Variants in TRIM33 observed in about 807,000 individuals in gnomAD.
TRIM33 encodes tripartite motif containing 33, also known as E3 ubiquitin-protein ligase TRIM33.
Under a neutral mutation model 125.4 loss-of-function variants are expected in TRIM33, and 20 were observed. The ratio of observed to expected loss-of-function variants is 0.16; its 90% CI spans 0.11 to 0.23. The LOEUF is 0.23. TRIM33 is among the 10% of genes least tolerant of loss of function. The pLI is 1.00. For missense variants in TRIM33, 920 were observed against 1,411.4 expected (o/e 0.65, Z 5.58); for synonymous variants, 564 against 513.9 (o/e 1.10, Z -1.32).
rs1241359977 is a variant in TRIM33, at chr1:114,472,844, A to C, written c.527-8456T>G. Reference sequence around the variant, plus strand: ...TTACAATTAAACTGTTAAAAGTCAAAGACAAGAAAATTTTGAAAAGACTAG... The same window carrying C: ...TTACAATTAAACTGTTAAAAGTCAACGACAAGAAAATTTTGAAAAGACTAG... On this transcript the variant is annotated intron_variant, in intron 1 of 19. Coordinates refer to ENST00000358465, the MANE Select transcript of TRIM33 (RefSeq NM_015906.4). 2.0e-5 allele frequency among the ~76,000 whole-genome samples: 3 copies of C among 152,208 alleles called. No individual in the cohort carries two copies. In the South Asian group the frequency reaches 6.2e-4, roughly 32 times the overall value.
intron 1 of TRIM33, among the ~76,000 whole-genome samples, chr1:114,487,903 CAAAAAAAA>C (rs573681532): frequency 1.1e-4 from 4 of 36,638 alleles, no homozygotes; most frequent in South Asian, 1.4e-3. Context: ...GACTCCGTCT[CAAAAAAAA>C]AAAAAAAAAA....
chr1:114,483,835 A>AT (rs1307568322), intron 1 of TRIM33, among the ~76,000 whole-genome samples: 1 of 152,240 alleles, frequency 6.6e-6, no homozygotes, highest in Non-Finnish European at 1.5e-5. Context: ...TACCAAAGAC[A>AT]TAAGACAAAG....
intron 1 of TRIM33, among the ~76,000 whole-genome samples, chr1:114,499,460 G>T (rs1169224771): frequency 6.6e-6 from 1 of 150,556 alleles, no homozygotes; most frequent in South Asian, 2.1e-4. Flanking sequence ...CTGGGTTCGG[G>T]GTAAGGAAAA....
chr1:114,405,728 G>A lies in TRIM33; in HGVS notation c.2450C>T (p.Pro817Leu). ...LSSPESSLTPPLSTNLHLESE... is the reference protein window; with the variant it reads ...LSSPESSLTPLLSTNLHLESE... ...TTCTAGATGCAGGTTGGTTGAGAGAGGTGGTGTCAAGCTACTCTCAGGACT... is the reference window on the plus strand; with the variant it reads ...TTCTAGATGCAGGTTGGTTGAGAGAAGTGGTGTCAAGCTACTCTCAGGACT... The change falls in exon 15 of 20, where the codon CCT becomes CTT. Residue 817 changes from proline (P) to leucine (L), a missense_variant. This residue lies in a region of TRIM33 where 407 missense variants were observed against 589.7 expected (regional missense o/e 0.69). Coordinates refer to ENST00000358465, the MANE Select transcript of TRIM33 (RefSeq NM_015906.4). 11 of 1,614,064 alleles carry A rather than the reference G, an allele frequency of 6.8e-6. No individual in the cohort carries two copies. The highest frequency in any genetic ancestry group is 9.3e-6 in the Non-Finnish European group (11 of 1,179,960).
intron 14 of TRIM33, 150 bp downstream of exon 14, chr1:114,406,791 G>T: frequency 1.4e-6 from 1 of 692,136 alleles, no homozygotes; most frequent in Non-Finnish European, 2.3e-6. Flanking sequence ...AAAAAGTTGA[G>T]TTAGAAAAAG....
intron 1 of TRIM33, among the ~76,000 whole-genome samples, chr1:114,508,484 T>C (rs1367914031): frequency 6.6e-6 from 1 of 152,204 alleles, no homozygotes; most frequent in Non-Finnish European, 1.5e-5. Flanking sequence ...TCTGAACACC[T>C]ACTAACAATT....
chr1:114,395,203 A>AAT lies in TRIM33; in HGVS notation c.*2443_*2444dup, dbSNP rs1651480966. 1 of 205,040 alleles carries AAT rather than the reference A, an allele frequency of 4.9e-6. No homozygotes were observed. 12.7% of individuals were successfully genotyped at this position (205,040 alleles called of 1,614,324 possible). A position where few individuals can be genotyped will look rare whatever the true frequency, so the allele number is the denominator to read the frequency against. ...AAATCTAAAGTGAATACCTTAATTT[A>AAT]ATGGTGGTATGTTGATAGCTATTAA... On this transcript the variant is annotated 3_prime_UTR_variant, in exon 20 of 20. Transcript: ENST00000358465.
chr1:114,433,333 A>T (rs1648086135), intron 5 of TRIM33, among the ~76,000 whole-genome samples: 1 of 152,192 alleles, frequency 6.6e-6, no homozygotes, highest in Middle Eastern at 3.2e-3. Flanking sequence ...TTTAAATTTT[A>T]TAAGTCAACT....
chr1:114,454,648 C>G (rs1164446556), intron 4 of TRIM33, among the ~76,000 whole-genome samples: 2 of 150,766 alleles, frequency 1.3e-5, no homozygotes, highest in Non-Finnish European at 1.5e-5. Context: ...GCACTCGAAG[C>G]CTGGGCAATA....
intron 4 of TRIM33, among the ~76,000 whole-genome samples, chr1:114,441,565 T>C (rs1159754468): frequency 6.6e-6 from 1 of 152,292 alleles, no homozygotes; most frequent in South Asian, 2.1e-4. Context: ...ATTTCAAAGA[T>C]AGGAACTAGG....
intron 4 of TRIM33, among the ~76,000 whole-genome samples, chr1:114,438,896 T>C (rs184123108): frequency 6.6e-6 from 1 of 152,294 alleles, no homozygotes; most frequent in East Asian, 1.9e-4. Context: ...TTTAAAGCTC[T>C]ATATGAAGGG....
chr1:114,489,963 C>T lies in TRIM33; in HGVS notation c.526+20588G>A, dbSNP rs1292615144. ...CTAAATCAGATATAAGGGTGCAGCA[C>T]GTCAGGGCTGGCCATGGTGGCTCAC... is the stretch of plus-strand genomic sequence containing the variant. On this transcript the variant is annotated intron_variant, in intron 1 of 19. Transcript: ENST00000358465. Among the ~76,000 whole-genome samples the T allele has an allele frequency of 2.0e-5, 3 of 150,650 alleles. No homozygotes were observed. The South Asian group carries it at 6.3e-4, about 32-fold the overall frequency.
chr1:114,404,790 G>C (rs796206285), intron 15 of TRIM33: 4 of 149,306 alleles, frequency 2.7e-5, no homozygotes, highest in African/African-American at 9.9e-5. Context: ...CTGCTTCTCA[G>C]GAATTTGAGA....
intron 4 of TRIM33, among the ~76,000 whole-genome samples, chr1:114,452,250 G>A (rs1045153659): frequency 7.9e-5 from 12 of 151,900 alleles, no homozygotes; most frequent in African/African-American, 2.9e-4. Context: ...TCACGAGGTC[G>A]AGAGATTGAG....
At chr1:114,403,963 T>C (rs886950870) in intron 15 of TRIM33, among the ~76,000 whole-genome samples, 1 of 152,008 alleles carries the variant, frequency 6.6e-6, no homozygotes, top group African/African-American at 2.4e-5. Context: ...TATGCCCGGC[T>C]ACCTCCTATC....
intron 4 of TRIM33, among the ~76,000 whole-genome samples, chr1:114,450,722 T>A (rs1649260288): frequency 1.6e-4 from 24 of 152,146 alleles, no homozygotes; most frequent in Admixed American, 1.6e-3. Flanking sequence ...CCTATTTCAT[T>A]GCTGGTTTTG....
At chr1:114,440,159 G>C (rs1401828728) in intron 4 of TRIM33, among the ~76,000 whole-genome samples, 20 of 151,846 alleles carry the variant, frequency 1.3e-4, no homozygotes, top group African/African-American at 2.9e-4. Context: ...TGGAAGAGGA[G>C]GGGGGAGACC....
intron 1 of TRIM33, among the ~76,000 whole-genome samples, chr1:114,505,387 T>C (rs1652935974): frequency 6.6e-6 from 1 of 152,010 alleles, no homozygotes; most frequent in Non-Finnish European, 1.5e-5. Flanking sequence ...GTATACACAC[T>C]CCAGGGACAA....
At chr1:114,413,331 A>G (rs567622806) in intron 11 of TRIM33, among the ~76,000 whole-genome samples, 3 of 152,112 alleles carry the variant, frequency 2.0e-5, no homozygotes, top group East Asian at 3.9e-4. Flanking sequence ...GGCCGAGGTG[A>G]GCAGATCACC....
Sources: gnomAD v4.1 joint callset for allele counts (sites outside exome capture counted in the v4.1 genomes callset) on GRCh38, gnomAD v4.1.1 for gene constraint, gnomAD v4.1.1 regional missense constraint, MANE v1.5 for transcripts, NCBI Gene and HGNC (gene_info 2026-07-23, HGNC 2026-07-21) for gene names.